The following ERICH5 variants were observed in gnomAD, a reference collection of about 807,000 sequenced individuals.
ERICH5 encodes glutamate-rich protein 5.
A neutral mutation model predicts 28.0 loss-of-function variants in ERICH5; 24 were observed. That is an observed-to-expected ratio of 0.86 (90% CI 0.62 to 1.21). The LOEUF (loss-of-function observed/expected upper bound fraction) is 1.21. ERICH5 is among the 50% of genes most tolerant of loss of function. The probability of loss-of-function intolerance (pLI) is 0.00; values close to 1 mark genes in which losing one functional copy is unlikely to be tolerated. For missense variants in ERICH5, 421 were observed against 441.2 expected (o/e 0.95, Z 0.41); for synonymous variants, 163 against 157.6 (o/e 1.03, Z -0.25).
chr8:98,090,377 T>C (rs1325881039), intron 2 of ERICH5, among the ~76,000 whole-genome samples: 1 of 152,176 alleles, frequency 6.6e-6, no homozygotes, highest in Non-Finnish European at 1.5e-5. Context: ...GGTGAATAGA[T>C]GATTACTGGA....
At chr8:98,071,177 C>T (rs961367939) in intron 1 of ERICH5, among the ~76,000 whole-genome samples, 4 of 151,980 alleles carry the variant, frequency 2.6e-5, no homozygotes, top group African/African-American at 2.4e-5. Flanking sequence ...CTCGGGAAGC[C>T]GAGGCAGGCG....
At chr8:98,068,306 T>C (rs1045511667) in intron 1 of ERICH5, among the ~76,000 whole-genome samples, 1 of 152,178 alleles carries the variant, frequency 6.6e-6, no homozygotes, top group South Asian at 2.1e-4. Context: ...CCTCCCAAGA[T>C]GACTGACCAG....
At chr8:98,075,149 A>C (rs1815025399) in intron 1 of ERICH5, among the ~76,000 whole-genome samples, 1 of 152,116 alleles carries the variant, frequency 6.6e-6, no homozygotes, top group African/African-American at 2.4e-5. Flanking sequence ...TCAAAGGTAC[A>C]TGTGGTTGAC....
intron 2 of ERICH5, among the ~76,000 whole-genome samples, chr8:98,090,936 A>T (rs978136506): frequency 1.4e-4 from 21 of 151,810 alleles, no homozygotes; most frequent in Admixed American, 6.6e-5. Flanking sequence ...TATTTTATTT[A>T]ATTAATTTAT....
intron 1 of ERICH5, among the ~76,000 whole-genome samples, chr8:98,072,167 G>C (rs933736041): frequency 1.3e-5 from 2 of 152,296 alleles, no homozygotes; most frequent in African/African-American, 4.8e-5. Flanking sequence ...GTTTATATCA[G>C]AGTTTCCCAG....
At chr8:98,084,817 T>C (rs943361140) in intron 1 of ERICH5, among the ~76,000 whole-genome samples, 1 of 152,146 alleles carries the variant, frequency 6.6e-6, no homozygotes, top group Non-Finnish European at 1.5e-5. Context: ...ACTGTACATA[T>C]TTATAGTGTA....
chr8:98,086,376 C>T (rs1487423545), intron 1 of ERICH5, among the ~76,000 whole-genome samples: 1 of 152,098 alleles, frequency 6.6e-6, no homozygotes, highest in Non-Finnish European at 1.5e-5. Flanking sequence ...AGTCCTTCAT[C>T]TTCATGAAGA....
intron 1 of ERICH5, among the ~76,000 whole-genome samples, chr8:98,085,416 G>T (rs902292905): frequency 1.3e-5 from 2 of 151,884 alleles, no homozygotes; most frequent in African/African-American, 2.4e-5. Context: ...GCCCACTTCG[G>T]CCTCCCAAAG....
chr8:98,081,265 C>A (rs914455901), intron 1 of ERICH5, among the ~76,000 whole-genome samples: 32 of 151,872 alleles, frequency 2.1e-4, no homozygotes, highest in African/African-American at 7.5e-4. Flanking sequence ...ACCACCATAC[C>A]CAGCTAATTT....
At chr8:98,081,490 CTAGTCTCTGTACTAGTTCTT>C (rs1428104435) in intron 1 of ERICH5, among the ~76,000 whole-genome samples, 2 of 152,184 alleles carry the variant, frequency 1.3e-5, no homozygotes, top group African/African-American at 2.4e-5. Context: ...TTAGTGGGTG[CTAGTCTCTGTACTAGTTCTT>C]TCTGAGTATT....
intron 1 of ERICH5, among the ~76,000 whole-genome samples, chr8:98,080,851 C>T (rs1377202967): frequency 6.6e-6 from 1 of 151,890 alleles, no homozygotes; most frequent in Admixed American, 6.6e-5. Context: ...TACAGGCACT[C>T]GCCACCATGG....
chr8:98,089,670 T>C lies in ERICH5; in HGVS notation c.653T>C (p.Leu218Pro), dbSNP rs767892396. 5.9e-5 allele frequency: 96 copies of C among 1,613,998 alleles called. No individual in the cohort carries two copies. The Middle Eastern group carries it at 9.9e-4, about 17-fold the overall frequency. The stretch of plus-strand genomic sequence containing the variant: ...GGAAAGGATGAGCAGGCCCCGCTTC[T>C]AGAAACAATTTCCAAAGAGAATGAA... ...TVGKDEQAPL[L>P]ETISKENESP... The change falls in exon 2 of 3, where the codon CTA (leucine) becomes CCA (proline). Residue 218 changes from leucine (L) to proline (P), a missense_variant. Transcript: ENST00000318528.
intron 2 of ERICH5, among the ~76,000 whole-genome samples, chr8:98,091,890 T>TTC (rs1491305333): frequency 1.2e-5 from 1 of 85,720 alleles, no homozygotes; most frequent in African/African-American, 4.6e-5. Flanking sequence ...CTTTCTTTCT[T>TTC]TCTTTCTTTC....
In ERICH5 at chr8:98,064,751, C is replaced by G. The variant is rs371753271; in HGVS notation, c.58+24C>G. 2,091 of 1,521,358 alleles carry G rather than the reference C, an allele frequency of 1.4e-3. 19 individuals carry two copies. The African/African-American group carries it at 0.025, about 18-fold the overall frequency. The allele number at this position is 1,521,358 out of a possible 1,614,324, so 94.2% of individuals were successfully genotyped here. ...CGGTGAGCAGGGTACCGGCGCCGCC[C>G]GCGCCCGGGCTGGGGACTCGGGTGG... On this transcript the variant is annotated intron_variant, in intron 1 of 2. Transcript: ENST00000318528.
intron 1 of ERICH5, among the ~76,000 whole-genome samples, chr8:98,078,177 C>T (rs568313606): frequency 8.5e-5 from 13 of 152,100 alleles, no homozygotes; most frequent in Non-Finnish European, 1.9e-4. Flanking sequence ...GAAGAGTGTT[C>T]GTACATGCTT....
At chr8:98,090,677 A>G (rs1188406189) in intron 2 of ERICH5, among the ~76,000 whole-genome samples, 4 of 152,060 alleles carry the variant, frequency 2.6e-5, no homozygotes, top group Non-Finnish European at 5.9e-5. Context: ...CAGTTTTAAA[A>G]TCTGTATGAG....
intron 1 of ERICH5, among the ~76,000 whole-genome samples, chr8:98,073,480 AT>A (rs1563753469): frequency 0.048 from 95 of 1,982 alleles, 23 homozygotes; most frequent in Middle Eastern, 0.5. Context: ...ATATATATAT[AT>A]ATATGTATAT....
intron 1 of ERICH5, among the ~76,000 whole-genome samples, chr8:98,075,927 T>C (rs974509024): frequency 1.3e-5 from 2 of 149,856 alleles, no homozygotes; most frequent in Non-Finnish European, 3.0e-5. Context: ...CTTTTGACCA[T>C]GGGCCTTTGT....
At chr8:98,086,685 T>C (rs571625987) in intron 1 of ERICH5, among the ~76,000 whole-genome samples, 1 of 152,282 alleles carries the variant, frequency 6.6e-6, no homozygotes, top group East Asian at 1.9e-4. Flanking sequence ...GTGCGGTGGC[T>C]CACGCCTGTA....
Sources: allele counts gnomAD v4.1 joint callset (sites outside exome capture counted in the v4.1 genomes callset), GRCh38; gene constraint gnomAD v4.1.1; transcripts MANE v1.5; gene names NCBI Gene and HGNC (gene_info 2026-07-23, HGNC 2026-07-21).